DIP2A: variants seen among roughly 807,000 people sequenced by gnomAD.
The protein encoded by DIP2A is DIP2 acetate--CoA ligase A, also known as disco-interacting protein 2 homolog A.
Under a neutral mutation model 177.4 loss-of-function variants are expected in DIP2A, and 85 were observed. The observed-to-expected ratio is 0.48, with a 90% confidence interval of 0.40 to 0.57. The LOEUF (loss-of-function observed/expected upper bound fraction) is 0.57. Among genes scored for constraint, DIP2A ranks in the 20% least tolerant of loss-of-function variants. DIP2A has a pLI of 0.00. For synonymous variants in DIP2A, 886 were observed against 881.8 expected (o/e 1.00, Z -0.08); for missense variants, 1,791 against 2,100.2 (o/e 0.85, Z 2.88).
intron 3 of DIP2A, among the ~76,000 whole-genome samples, chr21:46,492,752 C>G (rs1334253383): frequency 2.0e-5 from 3 of 152,104 alleles, no homozygotes; most frequent in African/African-American, 7.2e-5. Context: ...ACCAGCCTGG[C>G]CAACATGGCA....
chr21:46,565,967 C>T (rs1357521418), intron 36 of DIP2A, 80 bp downstream of exon 36: 1 of 1,497,386 alleles, frequency 6.7e-7, no homozygotes. Context: ...CACCTGCTAG[C>T]ACACCTCACT....
chr21:46,582,277 C>T, the DIP2A span, among the ~76,000 whole-genome samples: 1 of 152,148 alleles, frequency 6.6e-6, no homozygotes, highest in African/African-American at 2.4e-5. Flanking sequence ...GTTCAAACTA[C>T]CCAGTCTTCC....
In DIP2A at chr21:46,487,913, A is replaced by G. The variant is rs192672008; in HGVS notation, c.164-2687A>G. On this transcript the variant is annotated intron_variant, in intron 2 of 37. Coordinates refer to ENST00000417564, the MANE Select transcript of DIP2A (RefSeq NM_015151.4). ...TTAGTGTGTGAACATAATGTAGTCC[A>G]GTCTGAATACCAGGCCTGAGGTTTT... 2.0e-3 allele frequency among the ~76,000 whole-genome samples: 304 copies of G among 152,380 alleles called. 1 individual carries two copies. The highest frequency in any genetic ancestry group is 2.9e-3 in the Non-Finnish European group (195 of 68,040).
At chr21:46,578,530 G>A in the DIP2A span, among the ~76,000 whole-genome samples, 1 of 152,192 alleles carries the variant, frequency 6.6e-6, no homozygotes, top group African/African-American at 2.4e-5. Flanking sequence ...TCCTTGTCTT[G>A]TGCCAGTTTT....
intron 15 of DIP2A, among the ~76,000 whole-genome samples, chr21:46,538,154 C>T (rs962077248): frequency 2.0e-4 from 30 of 151,998 alleles, no homozygotes; most frequent in African/African-American, 7.3e-4. Flanking sequence ...TCAGCCAGCA[C>T]CAGGGGTTTG....
At chr21:46,579,575 T>C in the DIP2A span, among the ~76,000 whole-genome samples, 3 of 152,154 alleles carry the variant, frequency 2.0e-5, no homozygotes, top group African/African-American at 7.2e-5. Context: ...TCCTAGCTTT[T>C]TGAAGTGGGC....
intron 5 of DIP2A, among the ~76,000 whole-genome samples, chr21:46,502,771 C>G (rs759433520): frequency 2.0e-5 from 3 of 151,902 alleles, no homozygotes; most frequent in Admixed American, 6.6e-5. Context: ...TATAAATGGG[C>G]GAGCATCTGT....
chr21:46,461,371 G>C (rs945055277), intron 1 of DIP2A, among the ~76,000 whole-genome samples: 3 of 150,326 alleles, frequency 2.0e-5, no homozygotes, highest in Non-Finnish European at 4.4e-5. Flanking sequence ...ATTAGGAATG[G>C]GTTTGACAGG....
At chr21:46,510,041 T>G (rs2148619623) in intron 7 of DIP2A, among the ~76,000 whole-genome samples, 1 of 152,312 alleles carries the variant, frequency 6.6e-6, no homozygotes, top group Non-Finnish European at 1.5e-5. Context: ...GGGACGGAAC[T>G]AATAGGATAG....
At chr21:46,565,548 C>T (rs2060809913) in intron 35 of DIP2A, among the ~76,000 whole-genome samples, 165 bp from the exon 36 acceptor site, 1 of 152,204 alleles carries the variant, frequency 6.6e-6, no homozygotes, top group African/African-American at 2.4e-5. Context: ...GCTTTCTGTG[C>T]CTGTAATTTA....
intron 5 of DIP2A, among the ~76,000 whole-genome samples, chr21:46,503,750 G>A (rs1044242016): frequency 6.7e-6 from 1 of 148,584 alleles, no homozygotes; most frequent in African/African-American, 2.5e-5. Context: ...TTTTGAGAGA[G>A]AGTGTCGCTC....
At chr21:46,467,858 A>G (rs962437059) in intron 1 of DIP2A, among the ~76,000 whole-genome samples, 2 of 152,034 alleles carry the variant, frequency 1.3e-5, no homozygotes, top group African/African-American at 4.8e-5. Context: ...CACACCTATA[A>G]TCCCAGCACT....
At chr21:46,506,724 T>TTTTC (rs1555887429) in intron 6 of DIP2A, among the ~76,000 whole-genome samples, 3,392 of 78,616 alleles carry the variant, frequency 0.043, 106 homozygotes, top group South Asian at 0.057. Context: ...TTGTGCTTGT[T>TTTTC]TTTCTTTCTT....
rs962891899 is a variant in DIP2A, at chr21:46,546,785, C to T, written c.2395-130C>T. On this transcript the variant is annotated intron_variant, in intron 20 of 37. Transcript: ENST00000417564. ...TGCGTTGCAGATTGGGTCTGTGGGG[C>T]ATTGACCCGTTTGCAAGGCGCTAGA... 13 of 1,006,864 alleles carry T rather than the reference C, an allele frequency of 1.3e-5. No individual in the cohort carries two copies. The Admixed American group carries it at 2.3e-4, about 18-fold the overall frequency. The allele number at this position is 1,006,864 out of a possible 1,614,324, so 62.4% of individuals were successfully genotyped here.
At chr21:46,506,953 A>G (rs2058046871) in intron 6 of DIP2A, among the ~76,000 whole-genome samples, 1 of 151,676 alleles carries the variant, frequency 6.6e-6, no homozygotes, top group Non-Finnish European at 1.5e-5. Context: ...GGCATGTGCC[A>G]CGATGCCTGG....
At chr21:46,509,488 T>A in intron 7 of DIP2A, 112 bp downstream of exon 7, 1 of 1,307,942 alleles carries the variant, frequency 7.6e-7, no homozygotes, top group Non-Finnish European at 9.9e-7. Context: ...TATATTCTGT[T>A]TCCAGACTCA....
At chr21:46,548,251 G>T (rs995434910) in intron 21 of DIP2A, among the ~76,000 whole-genome samples, 1 of 152,086 alleles carries the variant, frequency 6.6e-6, no homozygotes, top group African/African-American at 2.4e-5. Flanking sequence ...CACAGCCAGG[G>T]TCATGACCCC....
chr21:46,555,964 G>T lies in DIP2A; in HGVS notation c.3389-18G>T. ...ACATGTGGGAACACTAATGTTGCTG[G>T]TGTCTCCTGTTTAACAGATGACATC... On this transcript the variant is annotated intron_variant, in intron 28 of 37. Transcript: ENST00000417564. The T allele has an allele frequency of 6.4e-7, 1 of 1,560,626 alleles. No individual in the cohort carries two copies. The highest frequency in any genetic ancestry group is 8.8e-7 in the Non-Finnish European group (1 of 1,131,210).
chr21:46,510,693 C>G (rs142072343), intron 7 of DIP2A, among the ~76,000 whole-genome samples: 1 of 142,626 alleles, frequency 7.0e-6, no homozygotes, highest in Admixed American at 7.4e-5. Flanking sequence ...TGCAGTGGTG[C>G]GATCTCGAAT....
Sources: gnomAD v4.1 joint callset for allele counts (sites outside exome capture counted in the v4.1 genomes callset) on GRCh38, gnomAD v4.1.1 for gene constraint, MANE v1.5 for transcripts, NCBI Gene and HGNC (gene_info 2026-07-23, HGNC 2026-07-21) for gene names.